Variants in AMY2B observed in about 807,000 individuals in gnomAD.
The protein encoded by AMY2B is alpha-amylase 2B.
Under a neutral mutation model 59.3 loss-of-function variants are expected in AMY2B, and 63 were observed. The ratio of observed to expected loss-of-function variants is 1.06; its 90% CI spans 0.87 to 1.31. AMY2B has a LOEUF of 1.31. Ranked by LOEUF, AMY2B falls within the 50% of genes most tolerant of loss-of-function variation. The probability of loss-of-function intolerance (pLI) is 0.00; values close to 1 mark genes in which losing one functional copy is unlikely to be tolerated. For missense variants in AMY2B, 635 were observed against 626.7 expected (o/e 1.01, Z -0.14); for synonymous variants, 180 against 198.1 (o/e 0.91, Z 0.77).
chr1:103,569,980 C>T (rs1652056627), upstream of AMY2B: 2 of 456,656 alleles, frequency 4.4e-6, no homozygotes, highest in Non-Finnish European at 8.7e-6. Context: ...TGTCCCTCTA[C>T]ACCTGTGGTT....
At position 103,577,350 on chromosome 1, in the gene AMY2B, A is replaced by C. The variant is rs184144059; in HGVS notation, c.1102-140A>C. 2.7e-5 allele frequency: 40 copies of C among 1,483,738 alleles called. No homozygotes were observed. In the East Asian group the frequency reaches 8.0e-4, roughly 30 times the overall value. The allele number at this position is 1,483,738 out of a possible 1,614,324, so 91.9% of individuals were successfully genotyped here. ...TGAAGACCCAGTAAAGGGCTATAAAAATTATTGAAGGCATTGGATTCTAGA... is the reference window on the plus strand; with the variant it reads ...TGAAGACCCAGTAAAGGGCTATAAACATTATTGAAGGCATTGGATTCTAGA... On this transcript the variant is annotated intron_variant, in intron 7 of 9. Coordinates refer to ENST00000684275, the MANE Select transcript of AMY2B (RefSeq NM_001387437.1).
chr1:103,575,245 T>G lies in AMY2B; in HGVS notation c.901T>G (p.Phe301Val), dbSNP rs772448211. The G allele has an allele frequency of 1.2e-6, 2 of 1,613,626 alleles. No homozygotes were observed. Among genetic ancestry groups the G allele is most frequent in the East Asian group, 4.5e-5 (2 of 44,860 alleles). The change falls in exon 6 of 10, where the codon TTC (phenylalanine) becomes GTC (valine). Residue 301 changes from phenylalanine to valine, a missense_variant. Phe to Val is a conservative substitution (Grantham distance 50). Transcript: ENST00000684275. ...TAGGAACTGGGGAGAAGGTTGGGGT[T>G]TCATGCCTTCTGACAGAGCACTTGT... ...YLKNWGEGWG[F>V]MPSDRALVFV... is the part of the protein sequence containing the mutation.
At chr1:103,559,047 G>C (rs144405256) in intron 1 of AMY2B, among the ~76,000 whole-genome samples, 1 of 152,126 alleles carries the variant, frequency 6.6e-6, no homozygotes, top group African/African-American at 2.4e-5. Context: ...TAAAAGACTC[G>C]AGCAGTTGTT....
At chr1:103,579,109 C>T (rs1298886490) in intron 9 of AMY2B, among the ~76,000 whole-genome samples, 1 of 152,120 alleles carries the variant, frequency 6.6e-6, no homozygotes, top group Non-Finnish European at 1.5e-5. Context: ...TCACTACGGA[C>T]CAGGGAACTG....
intron 7 of AMY2B, chr1:103,575,754 T>C (rs117564960): frequency 1.8e-4 from 117 of 646,168 alleles, no homozygotes; most frequent in Middle Eastern, 1.4e-3. Flanking sequence ...AGACATATGA[T>C]AAACATCCCC....
chr1:103,570,358 AT>A (rs570098887), upstream of AMY2B: 14 of 728,692 alleles, frequency 1.9e-5, no homozygotes, highest in African/African-American at 2.1e-4. Context: ...TGGACATGGA[AT>A]CTTGTGGCAT....
At chr1:103,564,160 A>T (rs1484519793) in intron 1 of AMY2B, among the ~76,000 whole-genome samples, 1 of 152,188 alleles carries the variant, frequency 6.6e-6, no homozygotes, top group African/African-American at 2.4e-5. Flanking sequence ...TTTAATCACA[A>T]TAACTCTATG....
rs544156643 is a variant in AMY2B at position 103,557,883 on chromosome 1, C to T, written c.-207+2774C>T. Among the ~76,000 whole-genome samples the T allele has an allele frequency of 2.0e-5, 3 of 152,110 alleles. No homozygotes were observed. In the East Asian group the frequency reaches 5.8e-4, roughly 29 times the overall value. ...AAAAACATGCATAGAAATGATCATA[C>T]AAACTTGGAAGAAATTGAATGTCTT... On this transcript the variant is annotated intron_variant, in intron 1 of 11. Coordinates refer to the AMY2B transcript ENST00000361355.
At chr1:103,568,657 A>G (rs1362745318), upstream of AMY2B, 3 of 152,146 alleles carry the variant, frequency 2.0e-5, no homozygotes, top group Non-Finnish European at 2.9e-5. Context: ...TTGAGAATTC[A>G]GTTGGCTTCA....
At chr1:103,556,984 C>T (rs536816547) in intron 1 of AMY2B, among the ~76,000 whole-genome samples, 4 of 152,132 alleles carry the variant, frequency 2.6e-5, no homozygotes, top group South Asian at 2.1e-4. Flanking sequence ...GAGCTAACCC[C>T]CTGTGTCAGA....
Position 103,573,836 on chromosome 1 carries a change from C to T in AMY2B, c.642C>T (p.Ser214=), listed in dbSNP as rs1317833773. Residue 214 remains serine (S), a synonymous_variant, in exon 4 of 10, where the codon TCC becomes TCT. Transcript: ENST00000684275. ...IGVAGFRLDA[S]KHMWPGDIKA... ...TTGCAGGGTTCAGACTTGATGCTTC[C>T]AAGCACATGTGGCCTGGAGACATAA... The T allele has an allele frequency of 8.1e-6, 13 of 1,613,782 alleles. No individual in the cohort carries two copies. The highest frequency in any genetic ancestry group is 1.1e-5 in the Non-Finnish European group (13 of 1,179,768).
rs748982703 is a variant in AMY2B, at chr1:103,573,932, C to T, written c.738C>T (p.Tyr246=). The T allele has an allele frequency of 1.9e-4, 310 of 1,613,556 alleles. No individual in the cohort carries two copies. Among genetic ancestry groups the T allele is most frequent in the Non-Finnish European group, 1.9e-4 (219 of 1,179,722 alleles). ...CTGCAGGAAGTAAACCTTTCATTTACCAGGAGGTACATCAATACATATATG... is the reference window on the plus strand; with the variant it reads ...CTGCAGGAAGTAAACCTTTCATTTATCAGGAGGTACATCAATACATATATG... The part of the protein sequence containing the change: ...WFPAGSKPFI[Y]QEVIDLGGEP... The change falls in exon 4 of 10, where the codon TAC becomes TAT. Residue 246 remains tyrosine, a synonymous_variant. Coordinates refer to ENST00000684275, the MANE Select transcript of AMY2B (RefSeq NM_001387437.1).
chr1:103,564,757 T>C (rs1298781148), intron 1 of AMY2B, among the ~76,000 whole-genome samples: 1 of 152,170 alleles, frequency 6.6e-6, no homozygotes, highest in Non-Finnish European at 1.5e-5. Flanking sequence ...CTGTCATTGC[T>C]TTGTTGAAAA....
At chr1:103,573,330 T>C (rs1652213210) in intron 3 of AMY2B, 70 bp downstream of exon 3, 1 of 1,602,886 alleles carries the variant, frequency 6.2e-7, no homozygotes, top group South Asian at 1.1e-5. Flanking sequence ...ATGTAGCTAA[T>C]TGAACTTCAT....
chr1:103,578,867 G>T (rs910892540), intron 9 of AMY2B, among the ~76,000 whole-genome samples: 2 of 130,188 alleles, frequency 1.5e-5, no homozygotes, highest in Non-Finnish European at 3.2e-5. Flanking sequence ...TACGGGGAGG[G>T]GGGAGGGATA....
At chr1:103,576,124 T>C (rs1375662131) in intron 7 of AMY2B, among the ~76,000 whole-genome samples, 1 of 152,284 alleles carries the variant, frequency 6.6e-6, no homozygotes. Flanking sequence ...ATTTATCTGA[T>C]GAGTAGTTTC....
intron 1 of AMY2B, among the ~76,000 whole-genome samples, chr1:103,562,259 A>C (rs1651757088): frequency 6.6e-6 from 1 of 152,200 alleles, no homozygotes; most frequent in Non-Finnish European, 1.5e-5. Flanking sequence ...TGTACTATTT[A>C]TATTGAAAAT....
intron 1 of AMY2B, chr1:103,564,998 T>C (rs1047180653): frequency 6.6e-6 from 1 of 152,136 alleles, no homozygotes; most frequent in Non-Finnish European, 1.5e-5. Flanking sequence ...TATTCTCTTA[T>C]ATCTGATTAA....
intron 2 of AMY2B, among the ~76,000 whole-genome samples, chr1:103,565,954 C>CA (rs1456829523): frequency 2.6e-5 from 4 of 151,990 alleles, no homozygotes; most frequent in African/African-American, 9.7e-5. Context: ...TTAAAACAAC[C>CA]AAAAAACCTT....
Sources: gnomAD v4.1 joint callset for allele counts (sites outside exome capture counted in the v4.1 genomes callset) on GRCh38, gnomAD v4.1.1 for gene constraint, MANE v1.5 for transcripts, NCBI Gene and HGNC (gene_info 2026-07-23, HGNC 2026-07-21) for gene names.